ACOX3: variants seen among roughly 807,000 people sequenced by gnomAD.
The protein encoded by ACOX3 is peroxisomal acyl-coenzyme A oxidase 3.
ACOX3 carries 73 observed loss-of-function variants against 81.5 expected under a neutral mutation model. The observed-to-expected ratio is 0.90, with a 90% CI of 0.74 to 1.09. The LOEUF (loss-of-function observed/expected upper bound fraction) is 1.09, where lower values mean the gene tolerates loss of function less well. Ranked by LOEUF, ACOX3 falls within the 50% of genes least tolerant of loss-of-function variation. The pLI is 0.00. For synonymous variants in ACOX3, 387 were observed against 375.1 expected (o/e 1.03, Z -0.37); for missense variants, 947 against 928.0 (o/e 1.02, Z -0.27).
At chr4:8,427,709 A>G (rs1411647792) in intron 1 of ACOX3, among the ~76,000 whole-genome samples, 1 of 152,218 alleles carries the variant, frequency 6.6e-6, no homozygotes, top group East Asian at 1.9e-4. Flanking sequence ...TCAGAGAGCA[A>G]GAGCCTTGCT....
In ACOX3 at chr4:8,416,487, A is replaced by G; in HGVS notation, c.35T>C (p.Leu12Pro). Residue 12 changes from leucine (L) to proline (P), a missense_variant, in exon 2 of 18, where the codon CTG (leucine) becomes CCG (proline). Leu to Pro is a moderately conservative substitution (Grantham distance 98). Transcript: ENST00000356406. This position sits in a 1 kb window ranked among gnomAD's most constrained non-coding sequence, Gnocchi z 4.2. The part of the protein sequence containing the change: ...ASTVEGGDTA[L>P]LPEFPRGPLD... Reference sequence around the variant, plus strand: ...GGGCCCCCTGGGGAATTCTGGGAGCAGAGCTGTGTCGCCTCCTTCCACAGT... The same window carrying G: ...GGGCCCCCTGGGGAATTCTGGGAGCGGAGCTGTGTCGCCTCCTTCCACAGT... The G allele has an allele frequency of 1.2e-6, 2 of 1,613,242 alleles. No individual in the cohort carries two copies. The highest frequency in any genetic ancestry group is 8.5e-7 in the Non-Finnish European group (1 of 1,179,402).
rs1721068048 is a variant in ACOX3, at chr4:8,407,068, C to A, written c.688-1025G>T. Reference sequence around the variant, plus strand: ...GTCTGCTTGGCAACGGGCGTCTTCCCAGATGCTGGCATCACTGCTAGACCA... The same window carrying A: ...GTCTGCTTGGCAACGGGCGTCTTCCAAGATGCTGGCATCACTGCTAGACCA... On this transcript the variant is annotated intron_variant, in intron 6 of 17. Transcript: ENST00000356406. This position sits in a 1 kb window ranked among gnomAD's most constrained non-coding sequence, Gnocchi z 4.6. Among the ~76,000 whole-genome samples, 1 of 152,188 alleles carries A rather than the reference C, an allele frequency of 6.6e-6. No homozygotes were observed. Among genetic ancestry groups the A allele is most frequent in the Non-Finnish European group, 1.5e-5 (1 of 68,036 alleles).
At chr4:8,374,239 T>A (rs1716638976) in intron 15 of ACOX3, 1 of 153,822 alleles carries the variant, frequency 6.5e-6, no homozygotes, top group African/African-American at 2.4e-5. Flanking sequence ...CTGTGTCTCA[T>A]CACTTAGGGT....
Position 8,386,523 on chromosome 4 carries a change from A to G in ACOX3, c.1537+2650T>C, listed in dbSNP as rs1428287162. ...GGAGCTTGCAGTGAGCCGAGATCAT[A>G]CCACTGCACTCCAGCCTGGGCGACA... On this transcript the variant is annotated intron_variant, in intron 13 of 17. Transcript: ENST00000356406. This position sits in a 1 kb window ranked among gnomAD's most constrained non-coding sequence, Gnocchi z 5.2. Among the ~76,000 whole-genome samples the G allele has an allele frequency of 6.0e-5, 9 of 150,106 alleles. No homozygotes were observed. Among genetic ancestry groups the G allele is most frequent in the South Asian group, 4.3e-4 (2 of 4,682 alleles).
Position 8,399,512 on chromosome 4 carries a change from G to A in ACOX3, c.873+44C>T. ...ACAGAGCCAGGCCCTGCAGAGGAAG[G>A]CACCTGGGAAGCACGGCACACGAAC... On this transcript the variant is annotated intron_variant, in intron 8 of 17. Coordinates refer to ENST00000356406, the MANE Select transcript of ACOX3 (RefSeq NM_003501.3). This position sits in a 1 kb window ranked among gnomAD's most constrained non-coding sequence, Gnocchi z 4.9. 2.6e-6 allele frequency: 4 copies of A among 1,525,664 alleles called. No individual in the cohort carries two copies. The highest frequency in any genetic ancestry group is 2.7e-6 in the Non-Finnish European group (3 of 1,101,270). 94.5% of individuals were successfully genotyped at this position (1,525,664 alleles called of 1,614,324 possible).
intron 1 of ACOX3, among the ~76,000 whole-genome samples, chr4:8,433,514 G>T (rs771901089): frequency 6.6e-6 from 1 of 152,192 alleles, no homozygotes; most frequent in African/African-American, 2.4e-5. Flanking sequence ...CAAACTTACG[G>T]TAATTTGTTA....
In ACOX3 at chr4:8,392,237, G is replaced by C. The variant is rs924928953; in HGVS notation, c.1300+96C>G. 3 of 1,335,910 alleles carry C rather than the reference G, an allele frequency of 2.2e-6. No individual in the cohort carries two copies. The African/African-American group carries it at 4.5e-5, about 20-fold the overall frequency. The allele number at this position is 1,335,910 out of a possible 1,614,324, so 82.8% of individuals were successfully genotyped here. ...ATTTGCAAAAACAGGTGGCAGGCTG[G>C]ATTTGGTCCTCAGGCCGCAGTCTGC... On this transcript the variant is annotated intron_variant, in intron 11 of 17. Coordinates refer to ENST00000356406, the MANE Select transcript of ACOX3 (RefSeq NM_003501.3).
At chr4:8,402,014 C>T (rs763465937) in intron 7 of ACOX3, among the ~76,000 whole-genome samples, 9 of 152,196 alleles carry the variant, frequency 5.9e-5, no homozygotes, top group African/African-American at 2.2e-4. Flanking sequence ...AGGGGGCCAC[C>T]GTGCATGGGG....
chr4:8,426,501 GC>G (rs549905161), intron 1 of ACOX3, among the ~76,000 whole-genome samples: 2,656 of 147,700 alleles, frequency 0.018, 46 homozygotes, highest in South Asian at 0.055. Flanking sequence ...GAGCTCCATG[GC>G]CCCCCCCGTC....
At chr4:8,436,007 G>A (rs1013589578) in intron 1 of ACOX3, 1 of 152,136 alleles carries the variant, frequency 6.6e-6, no homozygotes, top group Non-Finnish European at 1.5e-5. Flanking sequence ...GGTCTTGCTG[G>A]AGCTATGCAA....
chr4:8,422,836 G>C (rs1723093370), intron 1 of ACOX3, among the ~76,000 whole-genome samples: 2 of 152,208 alleles, frequency 1.3e-5, no homozygotes, highest in Non-Finnish European at 2.9e-5. Flanking sequence ...CTTGCTTCCA[G>C]TGTGGTCTAC....
At position 8,399,292 on chromosome 4, in the gene ACOX3, T is replaced by C. The variant is rs1291492726; in HGVS notation, c.873+264A>G. On this transcript the variant is annotated intron_variant, in intron 8 of 17. Transcript: ENST00000356406. This position sits in a 1 kb window ranked among gnomAD's most constrained non-coding sequence, Gnocchi z 4.9. ...GGGAAGCATCACTGGAAGCGAGCAGTCCTCTAATCGCAGCCCCCGATGGGG... is the reference window on the plus strand; with the variant it reads ...GGGAAGCATCACTGGAAGCGAGCAGCCCTCTAATCGCAGCCCCCGATGGGG... 5.3e-5 allele frequency among the ~76,000 whole-genome samples: 8 copies of C among 152,280 alleles called. No individual in the cohort carries two copies. In the East Asian group the frequency reaches 1.5e-3, roughly 29 times the overall value.
Position 8,406,447 on chromosome 4 carries a change from G to A in ACOX3, c.688-404C>T, listed in dbSNP as rs1393204125. 3.9e-5 allele frequency among the ~76,000 whole-genome samples: 6 copies of A among 152,310 alleles called. No individual in the cohort carries two copies. In the South Asian group the frequency reaches 6.2e-4, roughly 16 times the overall value. ...GGTCAGTGGGTTTCTCCCCGTGTGT[G>A]GAGACAAGAGAGCATAGAGATAAAG... On this transcript the variant is annotated intron_variant, in intron 6 of 17. Coordinates refer to ENST00000356406, the MANE Select transcript of ACOX3 (RefSeq NM_003501.3). The surrounding 1 kb of genome is among the most constrained non-coding windows in gnomAD (Gnocchi z 5.6).
In ACOX3 at chr4:8,375,213, G is replaced by C. The variant is rs538345859; in HGVS notation, c.1654-61C>G. The C allele has an allele frequency of 2.1e-6, 3 of 1,455,964 alleles. No individual in the cohort carries two copies. The African/African-American group carries it at 4.3e-5, about 21-fold the overall frequency. 90.2% of individuals were successfully genotyped at this position (1,455,964 alleles called of 1,614,324 possible). ...GTCCCAGCCCCGCCCAGATTCCCGG[G>C]GGAGGAAGTTCTCAGGAAACACGAA... On this transcript the variant is annotated intron_variant, in intron 14 of 17. Coordinates refer to ENST00000356406, the MANE Select transcript of ACOX3 (RefSeq NM_003501.3).
At chr4:8,422,482 C>T (rs1056756114) in intron 1 of ACOX3, among the ~76,000 whole-genome samples, 1 of 152,168 alleles carries the variant, frequency 6.6e-6, no homozygotes, top group Non-Finnish European at 1.5e-5. Context: ...TTGGCAACCT[C>T]GGTTTTTTTC....
intron 5 of ACOX3, 101 bp from the exon 6 acceptor site, chr4:8,410,456 C>A: frequency 6.8e-7 from 1 of 1,467,646 alleles, no homozygotes; most frequent in Non-Finnish European, 9.3e-7. Flanking sequence ...CGTTCAAAAT[C>A]TCTGAGGCAA....
intron 1 of ACOX3, chr4:8,436,383 C>T (rs1218938967): frequency 1.3e-5 from 2 of 152,190 alleles, no homozygotes; most frequent in African/African-American, 4.8e-5. Flanking sequence ...TAATTCAGGC[C>T]TTAGAACTCA....
In ACOX3 at chr4:8,392,799, C is replaced by T. The variant is rs192525435; in HGVS notation, c.1180-346G>A. On this transcript the variant is annotated intron_variant, in intron 10 of 17. Coordinates refer to ENST00000356406, the MANE Select transcript of ACOX3 (RefSeq NM_003501.3). ...CACAAACGTCAAAGTGAATGACACA[C>T]CATGGAAGGTTGCAATTGTTTGCAG... Among the ~76,000 whole-genome samples, 12 of 152,262 alleles carry T rather than the reference C, an allele frequency of 7.9e-5. No homozygotes were observed. The South Asian group carries it at 2.3e-3, about 29-fold the overall frequency.
At chr4:8,378,630 T>C (rs1047160872) in intron 14 of ACOX3, among the ~76,000 whole-genome samples, 4 of 151,904 alleles carry the variant, frequency 2.6e-5, no homozygotes, top group African/African-American at 9.7e-5. Flanking sequence ...ACTCCCAGGC[T>C]AGAGGTAGGG....
Sources: gnomAD v4.1 joint callset for allele counts (sites outside exome capture counted in the v4.1 genomes callset) on GRCh38, gnomAD v4.1.1 for gene constraint, Gnocchi (gnomAD v3.1) non-coding constraint, MANE v1.5 for transcripts, NCBI Gene and HGNC (gene_info 2026-07-23, HGNC 2026-07-21) for gene names.